Variants in ITGB4 observed in about 807,000 individuals in gnomAD.
The protein encoded by ITGB4 is integrin subunit beta 4.
A neutral mutation model predicts 207.6 loss-of-function variants in ITGB4; 159 were observed. The observed-to-expected ratio is 0.77, with a 90% confidence interval of 0.67 to 0.87. ITGB4 has a LOEUF of 0.87. Among genes scored for constraint, ITGB4 ranks in the 40% least tolerant of loss-of-function variants. The pLI is 0.00. For missense variants in ITGB4, 2,278 were observed against 2,546.8 expected (o/e 0.89, Z 2.27); for synonymous variants, 1,020 against 1,062.7 (o/e 0.96, Z 0.78).
chr17:75,742,531 G>A lies in ITGB4; in HGVS notation c.2782+42G>A, dbSNP rs751494052. On this transcript the variant is annotated intron_variant, in intron 24 of 39. Coordinates refer to ENST00000200181, the MANE Select transcript of ITGB4 (RefSeq NM_000213.5). This position sits in a 1 kb window ranked among gnomAD's most constrained non-coding sequence, Gnocchi z 5.9. Reference sequence around the variant, plus strand: ...GCTGTGCCACTGCCTCGCACCTCCCGCCTGTGTGGCCCTGTGACCCACCTC... The same window carrying A: ...GCTGTGCCACTGCCTCGCACCTCCCACCTGTGTGGCCCTGTGACCCACCTC... The A allele has an allele frequency of 2.8e-5, 45 of 1,613,378 alleles. No individual in the cohort carries two copies. The highest frequency in any genetic ancestry group is 1.6e-4 in the Middle Eastern group (1 of 6,062).
intron 13 of ITGB4, among the ~76,000 whole-genome samples, chr17:75,734,428 C>T (rs982330721): frequency 6.6e-6 from 1 of 152,008 alleles, no homozygotes; most frequent in Admixed American, 6.6e-5. Context: ...CCTGGGATTA[C>T]AGGTGTGAGC....
rs2060616522 is a variant in ITGB4 at position 75,721,494 on chromosome 17, G to A, written c.-129G>A. The A allele has an allele frequency of 1.6e-5, 2 of 125,640 alleles. No homozygotes were observed. Among genetic ancestry groups the A allele is most frequent in the African/African-American group, 6.0e-5 (2 of 33,578 alleles). 7.8% of individuals were successfully genotyped at this position (125,640 alleles called of 1,614,324 possible). ...CCGCGCCCGCCCTCGGACAGTCCCT[G>A]CTCGCCCGCGCGCTGCAGCCCCATC... On this transcript the variant is annotated 5_prime_UTR_variant, in exon 1 of 40. Transcript: ENST00000200181.
intron 25 of ITGB4, 45 bp from the exon 26 acceptor site, chr17:75,743,668 G>C (rs750058416): frequency 6.2e-7 from 1 of 1,613,000 alleles, no homozygotes; most frequent in African/African-American, 1.3e-5. Flanking sequence ...AGGTGGGAAG[G>C]GACTGGGCCC....
rs1253018667 is a variant in ITGB4, at chr17:75,748,836, C to G, written c.3112-5C>G. On this transcript the variant is annotated splice_region_variant and splice_polypyrimidine_tract_variant and intron_variant, in intron 26 of 39. Coordinates refer to ENST00000200181, the MANE Select transcript of ITGB4 (RefSeq NM_000213.5). ...GACCCTGACCCTGACCCCCTCCACT[C>G]CCAGGACTACATCCCCGTGGAGGGT... The G allele has an allele frequency of 4.4e-6, 7 of 1,605,252 alleles. No homozygotes were observed. The highest frequency in any genetic ancestry group is 1.1e-5 in the South Asian group (1 of 89,578).
At chr17:75,743,650 A>G in intron 25 of ITGB4, 63 bp from the exon 26 acceptor site, 2 of 1,610,828 alleles carry the variant, frequency 1.2e-6, no homozygotes, top group Non-Finnish European at 1.7e-6. Flanking sequence ...GGGTCACAGG[A>G]GAGCAGGAGG....
In ITGB4 at chr17:75,732,599, A is replaced by G. The variant is rs959458780; in HGVS notation, c.1454+360A>G. On this transcript the variant is annotated intron_variant, in intron 12 of 39. Transcript: ENST00000200181. The surrounding 1 kb of genome is among the most constrained non-coding windows in gnomAD (Gnocchi z 5.3). Reference sequence around the variant, plus strand: ...TGCCTGATCAGAAGAGAGCTCGTAAATGCACGGCAGTAAGGGCTTTAGCTT... The same window carrying G: ...TGCCTGATCAGAAGAGAGCTCGTAAGTGCACGGCAGTAAGGGCTTTAGCTT... Among the ~76,000 whole-genome samples the G allele has an allele frequency of 3.3e-5, 5 of 152,114 alleles. No homozygotes were observed. The highest frequency in any genetic ancestry group is 1.3e-4 in the Admixed American group (2 of 15,266).
Position 75,757,599 on chromosome 17 carries a change from C to T in ITGB4, c.*44C>T, listed in dbSNP as rs1428807218. On this transcript the variant is annotated 3_prime_UTR_variant, in exon 40 of 40. Transcript: ENST00000200181. Reference sequence around the variant, plus strand: ...CCGCCACGTCCCACTAGGCGTCCTCCCGACTCCTCTCCCGGAGCCTCCTCA... The same window carrying T: ...CCGCCACGTCCCACTAGGCGTCCTCTCGACTCCTCTCCCGGAGCCTCCTCA... The T allele has an allele frequency of 6.2e-7, 1 of 1,612,078 alleles. No homozygotes were observed. Among genetic ancestry groups the T allele is most frequent in the African/African-American group, 1.3e-5 (1 of 74,894 alleles).
rs1455530427 is a variant in ITGB4 at position 75,722,340 on chromosome 17, C to T, written c.-11+728C>T. Among the ~76,000 whole-genome samples the T allele has an allele frequency of 6.6e-6, 1 of 152,196 alleles. No individual in the cohort carries two copies. Among genetic ancestry groups the T allele is most frequent in the Non-Finnish European group, 1.5e-5 (1 of 68,020 alleles). ...GGCTGGGACTGGGGCTCTGGGGCTC[C>T]TGGTGACTCCCAGGAGCAGGGACAG... On this transcript the variant is annotated intron_variant, in intron 1 of 39. Coordinates refer to ENST00000200181, the MANE Select transcript of ITGB4 (RefSeq NM_000213.5). This position sits in a 1 kb window ranked among gnomAD's most constrained non-coding sequence, Gnocchi z 6.2.
intron 34 of ITGB4, 137 bp from the exon 35 acceptor site, chr17:75,755,564 G>A: frequency 9.1e-7 from 1 of 1,101,460 alleles, no homozygotes; most frequent in South Asian, 1.3e-5. Flanking sequence ...ACAGGGTGTT[G>A]CAGGGTGAGT....
At chr17:75,737,782 AC>A (rs2061014933) in intron 18 of ITGB4, 138 bp downstream of exon 18, 2 of 673,018 alleles carry the variant, frequency 3.0e-6, no homozygotes, top group Non-Finnish European at 5.0e-6. Context: ...CTGGGTCCCC[AC>A]CTCCCCAGGG....
At position 75,743,835 on chromosome 17, in the gene ITGB4, C is replaced by T; in HGVS notation, c.3085C>T (p.Gln1029Ter). The change falls in exon 26 of 40, where the codon CAG becomes TAG. Residue 1029 changes from glutamine (Q) to a stop codon, truncating the protein, a stop_gained. Coordinates refer to ENST00000200181, the MANE Select transcript of ITGB4 (RefSeq NM_000213.5). LOFTEE classifies it high-confidence loss of function. Reference protein sequence around the residue: ...GGKSQVSYRTQDGTAQGNRDY... With the variant: ...GGKSQVSYRT ...GAAGTCCCAGGTCTCCTACCGCACACAGGATGGCACCGCGCAGGGCAACCG... is the reference window on the plus strand; with the variant it reads ...GAAGTCCCAGGTCTCCTACCGCACATAGGATGGCACCGCGCAGGGCAACCG... The T allele has an allele frequency of 1.2e-6, 2 of 1,604,128 alleles. No individual in the cohort carries two copies. Among genetic ancestry groups the T allele is most frequent in the South Asian group, 1.1e-5 (1 of 89,918 alleles).
chr17:75,756,414 A>G lies in ITGB4; in HGVS notation c.4709-15A>G, dbSNP rs2143531158. On this transcript the variant is annotated splice_polypyrimidine_tract_variant and intron_variant, in intron 35 of 39. Transcript: ENST00000200181. ...TAACACTGCACTACTGTGTGCCCCC[A>G]CCTGATCCCCCCAGGTGAGCTGCAT... 2.5e-6 allele frequency: 4 copies of G among 1,612,884 alleles called. No individual in the cohort carries two copies. Among genetic ancestry groups the G allele is most frequent in the Middle Eastern group, 1.6e-4 (1 of 6,062 alleles).
At chr17:75,751,960 C>T (rs962677087) in intron 30 of ITGB4, 1 of 652,022 alleles carries the variant, frequency 1.5e-6, no homozygotes, top group Non-Finnish European at 2.8e-6. Flanking sequence ...ACTTACTCAG[C>T]AGAGTCCCTT....
At position 75,740,137 on chromosome 17, in the gene ITGB4, G is replaced by T; in HGVS notation, c.2446+66G>T. The T allele has an allele frequency of 6.6e-7, 1 of 1,507,300 alleles. No homozygotes were observed. The highest frequency in any genetic ancestry group is 1.2e-5 in the South Asian group (1 of 81,228). The allele number at this position is 1,507,300 out of a possible 1,614,324, so 93.4% of individuals were successfully genotyped here. On this transcript the variant is annotated intron_variant, in intron 20 of 39. Coordinates refer to ENST00000200181, the MANE Select transcript of ITGB4 (RefSeq NM_000213.5). This position sits in a 1 kb window ranked among gnomAD's most constrained non-coding sequence, Gnocchi z 5.9. ...TTCGGGCCCTCTGTTCCAGATCTGG[G>T]ATCACAGCATGCCTCTTCTCTGGGT...
At chr17:75,754,836 C>T (rs1464794513) in intron 34 of ITGB4, 21 bp downstream of exon 34, 1 of 1,614,054 alleles carries the variant, frequency 6.2e-7, no homozygotes, top group Admixed American at 1.7e-5. Flanking sequence ...TCAGCCAACC[C>T]TGCCTCTCCC....
chr17:75,730,300 C>T lies in ITGB4; in HGVS notation c.798C>T (p.Ala266=). 6.2e-7 allele frequency: 1 copy of T among 1,613,624 alleles called. No individual in the cohort carries two copies. The highest frequency in any genetic ancestry group is 2.2e-5 in the East Asian group (1 of 44,878). The change falls in exon 8 of 40, where the codon GCC becomes GCT. Residue 266 remains alanine (A), a synonymous_variant. Transcript: ENST00000200181. ...THLLVFSTES[A]FHYEADGANV... The stretch of plus-strand genomic sequence containing the variant: ...TGCTGGTCTTCTCCACCGAGTCAGC[C>T]TTCCACTATGAGGCTGATGGCGCCA...
In ITGB4 at chr17:75,751,092, C is replaced by T. The variant is rs2061357218; in HGVS notation, c.3774C>T (p.Gly1258=). ...GEITAYEVCY[G]LVNDDNRPIG... ...TCACAGCCTACGAGGTCTGCTATGG[C>T]CTGGTCAACGATGACAACCGTAAGA... Residue 1258 remains glycine (G), a synonymous_variant, in exon 30 of 40, where the codon GGC becomes GGT. Transcript: ENST00000200181. The T allele has an allele frequency of 6.2e-7, 1 of 1,613,808 alleles. No individual in the cohort carries two copies. Among genetic ancestry groups the T allele is most frequent in the Non-Finnish European group, 8.5e-7 (1 of 1,180,038 alleles).
chr17:75,732,853 G>A lies in ITGB4; in HGVS notation c.1454+614G>A, dbSNP rs1477242647. On this transcript the variant is annotated intron_variant, in intron 12 of 39. Coordinates refer to ENST00000200181, the MANE Select transcript of ITGB4 (RefSeq NM_000213.5). This position sits in a 1 kb window ranked among gnomAD's most constrained non-coding sequence, Gnocchi z 5.3. ...TGTAATCCCAGCACTTTGGGAGGCC[G>A]AGGTGGGTGGATCACCTGAGGTCAG... 2.6e-5 allele frequency among the ~76,000 whole-genome samples: 4 copies of A among 152,278 alleles called. No homozygotes were observed. Among genetic ancestry groups the A allele is most frequent in the East Asian group, 3.9e-4 (2 of 5,176 alleles).
chr17:75,736,093 G>C lies in ITGB4; in HGVS notation c.1700G>C (p.Gly567Ala). Residue 567 changes from glycine to alanine, a missense_variant, in exon 14 of 40, where the codon GGT becomes GCT. Physicochemically the swap from Gly to Ala is moderately conservative, Grantham distance 60. Transcript: ENST00000200181. ...CSMGQCVCEP[G>A]WTGPSCDCPL... Reference sequence around the variant, plus strand: ...ATGGGCCAGTGTGTGTGTGAGCCTGGTTGGACAGGCCCAAGCTGTGACTGT... The same window carrying C: ...ATGGGCCAGTGTGTGTGTGAGCCTGCTTGGACAGGCCCAAGCTGTGACTGT... 1 of 1,614,104 alleles carries C rather than the reference G, an allele frequency of 6.2e-7. No individual in the cohort carries two copies. The highest frequency in any genetic ancestry group is 8.5e-7 in the Non-Finnish European group (1 of 1,180,010).
Sources: gnomAD v4.1 joint callset for allele counts (sites outside exome capture counted in the v4.1 genomes callset) on GRCh38, gnomAD v4.1.1 for gene constraint, Gnocchi (gnomAD v3.1) non-coding constraint, MANE v1.5 for transcripts, NCBI Gene and HGNC (gene_info 2026-07-23, HGNC 2026-07-21) for gene names.